The following TMEM212 variants were observed in gnomAD, a reference collection of about 807,000 sequenced individuals.
TMEM212 encodes transmembrane protein 212.
TMEM212 carries 23 observed loss-of-function variants against 20.5 expected under a neutral mutation model. That is an observed-to-expected ratio of 1.12 (90% CI 0.81 to 1.59). The LOEUF is 1.59. Among genes scored for constraint, TMEM212 ranks in the 40% most tolerant of loss-of-function variants. TMEM212 has a pLI of 0.00. For synonymous variants in TMEM212, 76 were observed against 81.6 expected (o/e 0.93, Z 0.37); for missense variants, 211 against 215.0 (o/e 0.98, Z 0.12).
At chr3:171,851,947 T>G in intron 1 of TMEM212, 35 bp from the exon 2 acceptor site, 1 of 1,525,596 alleles carries the variant, frequency 6.6e-7, no homozygotes, top group East Asian at 2.4e-5. Flanking sequence ...GTACCTTCTG[T>G]GGTGGATGTT....
At chr3:171,848,838 T>C (rs1456614904) in intron 1 of TMEM212, among the ~76,000 whole-genome samples, 1 of 151,440 alleles carries the variant, frequency 6.6e-6, no homozygotes, top group Admixed American at 6.6e-5. Context: ...GTTGAAAAAA[T>C]AAATCTGAAG....
chr3:171,847,346 G>C (rs1724859497), intron 1 of TMEM212, among the ~76,000 whole-genome samples: 1 of 152,226 alleles, frequency 6.6e-6, no homozygotes, highest in African/African-American at 2.4e-5. Context: ...GCTTAGAGAA[G>C]GGAATTTGGG....
In TMEM212 at chr3:171,859,138, T is replaced by C. The variant is rs1319813049; in HGVS notation, c.*1081T>C. The C allele has an allele frequency of 6.6e-6, 1 of 151,902 alleles. No individual in the cohort carries two copies. Among genetic ancestry groups the C allele is most frequent in the Non-Finnish European group, 1.5e-5 (1 of 67,990 alleles). 9.4% of individuals were successfully genotyped at this position (151,902 alleles called of 1,614,324 possible). On this transcript the variant is annotated 3_prime_UTR_variant, in exon 5 of 5. Transcript: ENST00000334567. ...ACACAGGGTGGGGAACATCACACAC[T>C]GGGGCCTTTCAGTGGGTGGGAGGCT...
rs1209671089 is a variant in TMEM212, at chr3:171,853,664, C to A, written c.357C>A (p.Gly119=). 6.5e-7 allele frequency: 1 copy of A among 1,537,494 alleles called. No homozygotes were observed. The highest frequency in any genetic ancestry group is 8.7e-7 in the Non-Finnish European group (1 of 1,146,930). Residue 119 remains glycine (G), a synonymous_variant, in exon 3 of 5, where the codon GGC becomes GGA. Transcript: ENST00000334567. ...GGATTGCAGGGACTAATTACCTTGG[C>A]TATGCAGTTACCTTTCCTTATCCAT... is the stretch of plus-strand genomic sequence containing the variant. The part of the protein sequence containing the change: ...FSGIAGTNYL[G]YAVTFPYPYA...
intron 4 of TMEM212, among the ~76,000 whole-genome samples, chr3:171,857,621 T>C (rs1286223169): frequency 6.6e-6 from 1 of 152,038 alleles, no homozygotes; most frequent in Non-Finnish European, 1.5e-5. Context: ...TTACAGAATT[T>C]TCAAACCATA....
intron 1 of TMEM212, among the ~76,000 whole-genome samples, chr3:171,846,977 AGAGATTTT>A (rs1202078397): frequency 1.3e-5 from 2 of 152,240 alleles, no homozygotes; most frequent in Admixed American, 1.3e-4. Context: ...CTTGTAAGAA[AGAGATTTT>A]TGTATATGAT....
chr3:171,847,815 T>C (rs1158560769), intron 1 of TMEM212, among the ~76,000 whole-genome samples: 3 of 151,734 alleles, frequency 2.0e-5, no homozygotes, highest in Non-Finnish European at 4.4e-5. Flanking sequence ...TCTGACTAGT[T>C]ATAGAGGGTG....
chr3:171,857,962 T>C (rs973105335), intron 4 of TMEM212, 99 bp from the exon 5 acceptor site: 1 of 152,062 alleles, frequency 6.6e-6, no homozygotes, highest in African/African-American at 2.4e-5. Context: ...TAAATTGGCA[T>C]AGCCATTATT....
intron 3 of TMEM212, among the ~76,000 whole-genome samples, chr3:171,855,510 A>G (rs926891730): frequency 4.6e-5 from 7 of 152,190 alleles, no homozygotes; most frequent in African/African-American, 1.7e-4. Flanking sequence ...ACAATTATTG[A>G]GTACCTATTA....
At chr3:171,847,451 T>C (rs1326453820) in intron 1 of TMEM212, among the ~76,000 whole-genome samples, 4 of 152,240 alleles carry the variant, frequency 2.6e-5, no homozygotes, top group Non-Finnish European at 4.4e-5. Context: ...TACATGACCA[T>C]GCACGTCTGT....
At chr3:171,856,749 TA>T in intron 4 of TMEM212, 42 bp downstream of exon 4, 1 of 623,438 alleles carries the variant, frequency 1.6e-6, no homozygotes, top group East Asian at 2.8e-5. Context: ...GACCAGAATA[TA>T]AAAGCACACA....
chr3:171,844,858 C>T (rs1003643036), intron 1 of TMEM212, among the ~76,000 whole-genome samples: 1 of 151,940 alleles, frequency 6.6e-6, no homozygotes, highest in Non-Finnish European at 1.5e-5. Context: ...TGAATAGCCC[C>T]CTATGTCGTT....
At position 171,852,086 on chromosome 3, in the gene TMEM212, G is replaced by A. The variant is rs373243207; in HGVS notation, c.219+45G>A. ...GTAGGATGGTAGAGAGGCTTTGAAG[G>A]TCAAATCACTACTAAGTTCAGGATG... On this transcript the variant is annotated intron_variant, in intron 2 of 4. Transcript: ENST00000334567. The A allele has an allele frequency of 2.2e-3, 3,098 of 1,413,236 alleles. 3 individuals carry two copies. The highest frequency in any genetic ancestry group is 2.6e-3 in the Non-Finnish European group (2,725 of 1,034,104). The allele number at this position is 1,413,236 out of a possible 1,614,324, so 87.5% of individuals were successfully genotyped here. A position where few individuals can be genotyped will look rare whatever the true frequency, so the allele number is the denominator to read the frequency against.
At chr3:171,853,336 AG>A (rs369034011) in intron 2 of TMEM212, among the ~76,000 whole-genome samples, 190 bp from the exon 3 acceptor site, 22 of 151,988 alleles carry the variant, frequency 1.4e-4, no homozygotes, top group African/African-American at 5.3e-4. Flanking sequence ...AAAAAAAAAA[AG>A]AAAATGAATA....
chr3:171,848,662 T>C (rs1377738450), intron 1 of TMEM212, among the ~76,000 whole-genome samples: 3 of 148,284 alleles, frequency 2.0e-5, no homozygotes, highest in African/African-American at 5.1e-5. Flanking sequence ...TGGAATGGAA[T>C]AGATAATATT....
chr3:171,848,227 G>A (rs1308162725), intron 1 of TMEM212, among the ~76,000 whole-genome samples: 2 of 152,108 alleles, frequency 1.3e-5, no homozygotes, highest in African/African-American at 4.8e-5. Context: ...TTCTAATTCA[G>A]CAGGTCTGGG....
intron 1 of TMEM212, among the ~76,000 whole-genome samples, chr3:171,845,302 T>C (rs555329049): frequency 6.6e-6 from 1 of 152,328 alleles, no homozygotes; most frequent in South Asian, 2.1e-4. Context: ...ATTATGTATA[T>C]ACATGTATAG....
intron 3 of TMEM212, among the ~76,000 whole-genome samples, chr3:171,854,866 G>T (rs73178238): frequency 0.033 from 5,093 of 152,188 alleles, 155 homozygotes; most frequent in Non-Finnish European, 0.047. Flanking sequence ...AAAATAAATT[G>T]GCTTTGTTGT....
chr3:171,857,814 T>A (rs1236242653), intron 4 of TMEM212, among the ~76,000 whole-genome samples: 1 of 152,106 alleles, frequency 6.6e-6, no homozygotes, highest in Non-Finnish European at 1.5e-5. Context: ...TACAAATTAT[T>A]AGGGAAATGC....
Sources: gnomAD v4.1 joint callset for allele counts (sites outside exome capture counted in the v4.1 genomes callset) on GRCh38, gnomAD v4.1.1 for gene constraint, MANE v1.5 for transcripts, NCBI Gene and HGNC (gene_info 2026-07-23, HGNC 2026-07-21) for gene names.